RAI14: variants seen among roughly 807,000 people sequenced by gnomAD.
The protein encoded by RAI14 is ankycorbin.
In RAI14, 45 loss-of-function variants were observed where a neutral mutation model predicts 115.4. That is an observed-to-expected ratio of 0.39 (90% CI 0.31 to 0.50). RAI14 has a LOEUF of 0.50. Ranked by LOEUF, RAI14 falls within the 20% of genes least tolerant of loss-of-function variation. The probability of loss-of-function intolerance (pLI) is 0.85; values close to 1 mark genes in which losing one functional copy is unlikely to be tolerated. For synonymous variants in RAI14, 371 were observed against 415.4 expected (o/e 0.89, Z 1.30); for missense variants, 939 against 1,131.2 (o/e 0.83, Z 2.44).
Position 34,814,589 on chromosome 5 carries a change from G to C in RAI14, c.859G>C (p.Asp287His). ...CATTTTGTTTCTTTTTTAGTTGAGT[G>C]ATGTCTCTTCCCCAAGATCAATAAC... ...PPPISPTQLS[D>H]VSSPRSITST... The change falls in exon 12 of 18, where the codon GAT becomes CAT. Residue 287 changes from aspartate to histidine, a missense_variant. Transcript: ENST00000265109. 1 of 1,611,536 alleles carries C rather than the reference G, an allele frequency of 6.2e-7. No homozygotes were observed. The highest frequency in any genetic ancestry group is 8.5e-7 in the Non-Finnish European group (1 of 1,177,852).
intron 3 of RAI14, among the ~76,000 whole-genome samples, chr5:34,770,935 G>C (rs776680285): frequency 2.6e-5 from 4 of 152,136 alleles, no homozygotes; most frequent in Non-Finnish European, 4.4e-5. Flanking sequence ...TAAGCAGTTT[G>C]AGGTGGTCAG....
chr5:34,661,438 AT>A (rs1163373265), intron 1 of RAI14, among the ~76,000 whole-genome samples: 1 of 151,916 alleles, frequency 6.6e-6, no homozygotes, highest in Non-Finnish European at 1.5e-5. Flanking sequence ...TTTTGTTGTT[AT>A]TTTTTCTCTG....
intron 4 of RAI14, among the ~76,000 whole-genome samples, chr5:34,803,508 G>A (rs1754516806): frequency 6.6e-6 from 1 of 152,104 alleles, no homozygotes; most frequent in Admixed American, 6.6e-5. Context: ...AGAGAGCCAT[G>A]ATCGCGTCAC....
chr5:34,764,139 C>T (rs1749041429), intron 3 of RAI14, among the ~76,000 whole-genome samples: 2 of 152,346 alleles, frequency 1.3e-5, no homozygotes, highest in Admixed American at 6.5e-5. Context: ...GCGTGAGCCA[C>T]TGCACCCGGC....
At position 34,726,380 on chromosome 5, in the gene RAI14, A is replaced by G. The variant is rs549944136; in HGVS notation, c.37-31088A>G. On this transcript the variant is annotated intron_variant, in intron 2 of 17. Transcript: ENST00000265109. ...GAAGGGGAAGCAAGCACGTCTTCAC[A>G]TGGTGGCAGGAGAAAGAGTGAGTGA... Among the ~76,000 whole-genome samples, 5 of 152,328 alleles carry G rather than the reference A, an allele frequency of 3.3e-5. No individual in the cohort carries two copies. The South Asian group carries it at 6.2e-4, about 19-fold the overall frequency.
At chr5:34,703,791 C>G (rs936515974) in intron 2 of RAI14, among the ~76,000 whole-genome samples, 2 of 152,166 alleles carry the variant, frequency 1.3e-5, no homozygotes, top group Non-Finnish European at 2.9e-5. Flanking sequence ...TCGGGGGCAT[C>G]CAGCACACTG....
In RAI14 at chr5:34,823,081, A is replaced by G. The variant is rs1373585369; in HGVS notation, c.1239A>G (p.Pro413=). Residue 413 remains proline, a synonymous_variant, in exon 15 of 18, where the codon CCA becomes CCG. Transcript: ENST00000265109. The surrounding 1 kb of genome is among the most constrained non-coding windows in gnomAD (Gnocchi z 4.5). ...CTCCCCCAGACTCCAAATCATCTCC[A>G]TCTGTCTTAATACATTCTTTAGGTA... is the stretch of plus-strand genomic sequence containing the variant. ...ETSPPDSKSS[P]SVLIHSLGKS... is the part of the protein sequence containing the mutation. 1 of 1,612,554 alleles carries G rather than the reference A, an allele frequency of 6.2e-7. No homozygotes were observed. The highest frequency in any genetic ancestry group is 1.7e-4 in the Middle Eastern group (1 of 6,060).
At chr5:34,680,435 T>C (rs1744304681) in intron 1 of RAI14, among the ~76,000 whole-genome samples, 1 of 152,234 alleles carries the variant, frequency 6.6e-6, no homozygotes, top group East Asian at 1.9e-4. Context: ...TGGCAAGAAC[T>C]AATTCACTCC....
chr5:34,656,806 G>A lies in RAI14; in HGVS notation c.-49+331G>A, dbSNP rs368054720. On this transcript the variant is annotated intron_variant, in intron 1 of 17. Coordinates refer to ENST00000265109, the MANE Select transcript of RAI14 (RefSeq NM_015577.3). The stretch of plus-strand genomic sequence containing the variant: ...GGGCGGGGCGCGGGGCAGGGGCCGC[G>A]GCGGAGGGAGCGCGGGTGGGAATGA... 808 of 153,044 alleles carry A rather than the reference G, an allele frequency of 5.3e-3. 6 individuals carry two copies. The highest frequency in any genetic ancestry group is 0.018 in the African/African-American group (728 of 41,558). The allele number at this position is 153,044 out of a possible 1,614,324, so 9.5% of individuals were successfully genotyped here.
intron 1 of RAI14, among the ~76,000 whole-genome samples, chr5:34,666,992 G>A (rs1447517706): frequency 2.0e-5 from 3 of 152,252 alleles, no homozygotes; most frequent in African/African-American, 7.2e-5. Context: ...ATGGGGTGGC[G>A]GTGGTGGGAG....
intron 1 of RAI14, among the ~76,000 whole-genome samples, chr5:34,675,284 A>G (rs1743897672): frequency 6.6e-6 from 1 of 152,252 alleles, no homozygotes; most frequent in Non-Finnish European, 1.5e-5. Flanking sequence ...AACAACTTTT[A>G]GTAAATTAAC....
intron 1 of RAI14, among the ~76,000 whole-genome samples, chr5:34,658,641 A>G (rs533464500): frequency 4.7e-4 from 71 of 152,088 alleles, no homozygotes; most frequent in Middle Eastern, 3.4e-3. Flanking sequence ...AAATACAAAA[A>G]ATAAAAATTA....
intron 3 of RAI14, among the ~76,000 whole-genome samples, chr5:34,777,081 G>A (rs1281382944): frequency 1.3e-5 from 2 of 151,688 alleles, no homozygotes; most frequent in Admixed American, 6.6e-5. Flanking sequence ...CAGGAGAATC[G>A]CTTGAACCCA....
At chr5:34,715,566 C>G (rs1302989015) in intron 2 of RAI14, among the ~76,000 whole-genome samples, 1 of 152,226 alleles carries the variant, frequency 6.6e-6, no homozygotes, top group Non-Finnish European at 1.5e-5. Context: ...CCAAAAGGCT[C>G]TTTGCCTGGT....
At position 34,823,852 on chromosome 5, in the gene RAI14, T is replaced by G; in HGVS notation, c.2010T>G (p.Asp670Glu). The G allele has an allele frequency of 6.2e-7, 1 of 1,614,170 alleles. No individual in the cohort carries two copies. The highest frequency in any genetic ancestry group is 8.5e-7 in the Non-Finnish European group (1 of 1,180,024). The change falls in exon 15 of 18, where the codon GAT (aspartate) becomes GAG (glutamate). Residue 670 changes from aspartate to glutamate, a missense_variant. Transcript: ENST00000265109. This position sits in a 1 kb window ranked among gnomAD's most constrained non-coding sequence, Gnocchi z 4.5. ...EDYRKRKSLEDVTAEYIHKAE... is the reference protein window; with the variant it reads ...EDYRKRKSLEEVTAEYIHKAE... The stretch of plus-strand genomic sequence containing the variant: ...ACAGGAAGAGGAAATCTCTAGAGGA[T>G]GTCACAGCTGAATATATCCATAAAG...
chr5:34,817,145 C>T (rs1353846540), intron 12 of RAI14, among the ~76,000 whole-genome samples: 3 of 151,372 alleles, frequency 2.0e-5, no homozygotes, highest in South Asian at 2.1e-4. Flanking sequence ...GGTGTGGTGG[C>T]GGGCACCTGT....
intron 8 of RAI14, among the ~76,000 whole-genome samples, chr5:34,811,470 A>G (rs564776469): frequency 6.6e-6 from 1 of 152,302 alleles, no homozygotes; most frequent in African/African-American, 2.4e-5. Context: ...GAGGTAAAAC[A>G]AGGATAAGAT....
intron 2 of RAI14, among the ~76,000 whole-genome samples, chr5:34,717,807 T>G (rs555121927): frequency 6.6e-6 from 1 of 151,730 alleles, no homozygotes; most frequent in East Asian, 1.9e-4. Context: ...CTTTAAGTAC[T>G]GGCATTCTTT....
At chr5:34,724,493 C>T (rs1383614549) in intron 2 of RAI14, among the ~76,000 whole-genome samples, 2 of 152,044 alleles carry the variant, frequency 1.3e-5, no homozygotes, top group Non-Finnish European at 2.9e-5. Context: ...GAACACTTTC[C>T]CCTAACTCCC....
Sources: allele counts gnomAD v4.1 joint callset (sites outside exome capture counted in the v4.1 genomes callset), GRCh38; gene constraint gnomAD v4.1.1; non-coding constraint Gnocchi (gnomAD v3.1); transcripts MANE v1.5; gene names NCBI Gene and HGNC (gene_info 2026-07-23, HGNC 2026-07-21).